The following HMGB1 variants were observed in gnomAD, a reference collection of about 807,000 sequenced individuals.
HMGB1 encodes high mobility group protein B1.
For synonymous variants in HMGB1, 81 were observed against 84.0 expected (o/e 0.96, Z 0.19); for missense variants, 79 against 253.5 (o/e 0.31, Z 4.67).
rs1488395793 is a variant in HMGB1, at chr13:30,459,105, A to G, written c.*2252T>C. ...AGTCTTTAAACCCCACAGCACTGTAACTATCTTGGCATTAAAATAGTTTCT... is the reference window on the plus strand; with the variant it reads ...AGTCTTTAAACCCCACAGCACTGTAGCTATCTTGGCATTAAAATAGTTTCT... On this transcript the variant is annotated 3_prime_UTR_variant, in exon 5 of 5. Transcript: ENST00000341423. 3 of 152,194 alleles carry G rather than the reference A, an allele frequency of 2.0e-5. No individual in the cohort carries two copies. Among genetic ancestry groups the G allele is most frequent in the East Asian group, 1.9e-4 (1 of 5,200 alleles). 9.4% of individuals were successfully genotyped at this position (152,194 alleles called of 1,614,324 possible). A position where few individuals can be genotyped will look rare whatever the true frequency, so the allele number is the denominator to read the frequency against.
chr13:30,545,131 A>G (rs1192837339), intron 1 of HMGB1, among the ~76,000 whole-genome samples: 1 of 151,860 alleles, frequency 6.6e-6, no homozygotes, highest in African/African-American at 2.4e-5. Context: ...CTTTCCCCAC[A>G]TGCATGGTGA....
intron 1 of HMGB1, among the ~76,000 whole-genome samples, chr13:30,490,386 G>A (rs1230322268): frequency 2.0e-5 from 3 of 152,118 alleles, no homozygotes; most frequent in South Asian, 2.1e-4. Flanking sequence ...TTGGGAGGCC[G>A]AGGTGGGCAG....
At chr13:30,475,852 C>T (rs1337255764) in intron 1 of HMGB1, among the ~76,000 whole-genome samples, 1 of 152,210 alleles carries the variant, frequency 6.6e-6, no homozygotes, top group Non-Finnish European at 1.5e-5. Context: ...GTAACTGCCT[C>T]CCTCAAAGAG....
intron 1 of HMGB1, among the ~76,000 whole-genome samples, chr13:30,524,123 G>T (rs572034734): frequency 6.6e-6 from 1 of 152,080 alleles, no homozygotes; most frequent in South Asian, 2.1e-4. Context: ...TCACTCGTAA[G>T]GGGGAGTTGA....
chr13:30,498,575 A>G (rs1887663388), intron 1 of HMGB1, among the ~76,000 whole-genome samples: 1 of 151,788 alleles, frequency 6.6e-6, no homozygotes, highest in African/African-American at 2.4e-5. Context: ...GTAGGACACA[A>G]TTTCAATGAT....
chr13:30,505,476 C>T (rs1244558411), intron 1 of HMGB1, among the ~76,000 whole-genome samples: 1 of 152,046 alleles, frequency 6.6e-6, no homozygotes, highest in African/African-American at 2.4e-5. Context: ...CCGCGCCCAA[C>T]CATTTTTATA....
Position 30,461,334 on chromosome 13 carries a change from A to G in HMGB1, c.*23T>C. The G allele has an allele frequency of 6.5e-7, 1 of 1,539,742 alleles. No individual in the cohort carries two copies. ...GGTTAAATGCTTTATAGACAAGAAA[A>G]AAAAAACTGCGCTAGAACCAACTTA... On this transcript the variant is annotated 3_prime_UTR_variant, in exon 5 of 5. Transcript: ENST00000341423.
chr13:30,573,158 T>G (rs1870505063), intron 1 of HMGB1, among the ~76,000 whole-genome samples: 1 of 152,204 alleles, frequency 6.6e-6, no homozygotes, highest in Admixed American at 6.5e-5. Flanking sequence ...TCTTTGTAAG[T>G]CAGACTCAAC....
At position 30,570,189 on chromosome 13, in the gene HMGB1, T is replaced by C. The variant is rs562206328; in HGVS notation, c.-15+46482A>G. 2.0e-5 allele frequency among the ~76,000 whole-genome samples: 3 copies of C among 152,342 alleles called. No individual in the cohort carries two copies. In the East Asian group the frequency reaches 5.8e-4, roughly 29 times the overall value. Reference sequence around the variant, plus strand: ...CTTAAACAAGTACACTAATGGCTCATGCCTGTTACTCCCAGCACTTTGGAA... The same window carrying C: ...CTTAAACAAGTACACTAATGGCTCACGCCTGTTACTCCCAGCACTTTGGAA... On this transcript the variant is annotated intron_variant, in intron 1 of 4. Coordinates refer to the HMGB1 transcript ENST00000405805.
rs1254933787 is a variant in HMGB1, at chr13:30,519,573, G to A, written c.-14-55879C>T. Among the ~76,000 whole-genome samples, 77 of 140,176 alleles carry A rather than the reference G, an allele frequency of 5.5e-4. No homozygotes were observed. In the South Asian group the frequency reaches 0.012, roughly 22 times the overall value. 92.0% of individuals were successfully genotyped at this position (140,176 alleles called of 152,430 possible). ...AAATTAGCCAGGCGTGGTGGCGGGCGCCTGTAGTCCCAGCTACTTGGGAGG... is the reference window on the plus strand; with the variant it reads ...AAATTAGCCAGGCGTGGTGGCGGGCACCTGTAGTCCCAGCTACTTGGGAGG... On this transcript the variant is annotated intron_variant, in intron 1 of 4. Transcript: ENST00000405805.
intron 1 of HMGB1, among the ~76,000 whole-genome samples, chr13:30,586,765 C>T (rs1871172604): frequency 6.6e-6 from 1 of 151,812 alleles, no homozygotes; most frequent in Non-Finnish European, 1.5e-5. Context: ...AAAAGATATC[C>T]CAATCTTTTT....
At chr13:30,575,570 G>A (rs1870617222) in intron 1 of HMGB1, among the ~76,000 whole-genome samples, 1 of 152,260 alleles carries the variant, frequency 6.6e-6, no homozygotes, top group South Asian at 2.1e-4. Context: ...GGGAGTCTCC[G>A]TGGCTGAAGG....
At chr13:30,595,552 T>C (rs1871569169) in intron 1 of HMGB1, among the ~76,000 whole-genome samples, 1 of 152,230 alleles carries the variant, frequency 6.6e-6, no homozygotes, top group Non-Finnish European at 1.5e-5. Context: ...TTAACTTTAG[T>C]AGCTTGAAAC....
At chr13:30,485,703 T>G (rs1887350396) in intron 1 of HMGB1, among the ~76,000 whole-genome samples, 1 of 152,144 alleles carries the variant, frequency 6.6e-6, no homozygotes, top group African/African-American at 2.4e-5. Flanking sequence ...ACAGGTAGGG[T>G]GAACCTACAA....
chr13:30,555,029 T>TTG lies in HMGB1; in HGVS notation c.-15+61640_-15+61641dup, dbSNP rs1476263125. ...GCAGAACCTTACATTGGATGTGTCG[T>TTG]TGTGTTTTTTTTTTTTTTTTTTTTT... On this transcript the variant is annotated intron_variant, in intron 1 of 4. Transcript: ENST00000405805. Among the ~76,000 whole-genome samples the TTG allele has an allele frequency of 2.9e-3, 357 of 123,804 alleles. 2 individuals are homozygous for TTG. The highest frequency in any genetic ancestry group is 4.6e-3 in the Non-Finnish European group (257 of 55,366). The allele number at this position is 123,804 out of a possible 152,430, so 81.2% of individuals were successfully genotyped here.
At chr13:30,580,632 G>T (rs1465510892) in intron 1 of HMGB1, among the ~76,000 whole-genome samples, 1 of 152,202 alleles carries the variant, frequency 6.6e-6, no homozygotes, top group African/African-American at 2.4e-5. Flanking sequence ...CAGGAAAACA[G>T]ATACCAATCA....
chr13:30,495,642 C>T (rs1887594401), intron 1 of HMGB1, among the ~76,000 whole-genome samples: 1 of 152,084 alleles, frequency 6.6e-6, no homozygotes. Context: ...CCACGCCTGG[C>T]TAATTTTTTA....
intron 1 of HMGB1, chr13:30,542,536 T>A (rs1868942033): frequency 6.4e-6 from 1 of 156,062 alleles, no homozygotes; most frequent in African/African-American, 2.4e-5. Flanking sequence ...CTGCTTCTCT[T>A]CTGAAGCTGC....
chr13:30,544,588 T>C (rs565396741), intron 1 of HMGB1, among the ~76,000 whole-genome samples: 2 of 152,336 alleles, frequency 1.3e-5, no homozygotes, highest in African/African-American at 4.8e-5. Flanking sequence ...TGGAGGTTCC[T>C]GGAACGTGGT....
Sources: allele counts gnomAD v4.1 joint callset (sites outside exome capture counted in the v4.1 genomes callset), GRCh38; gene constraint gnomAD v4.1.1; transcripts MANE v1.5; gene names NCBI Gene and HGNC (gene_info 2026-07-23, HGNC 2026-07-21).